The following RBM20 variants were observed in gnomAD, a reference collection of about 807,000 sequenced individuals.
RBM20 encodes RNA-binding protein 20.
A neutral mutation model predicts 110.1 loss-of-function variants in RBM20; 51 were observed. The observed-to-expected ratio is 0.46, with a 90% CI of 0.37 to 0.59. The LOEUF is 0.59. Among genes scored for constraint, RBM20 ranks in the 20% least tolerant of loss-of-function variants. RBM20 has a pLI of 0.00. For synonymous variants in RBM20, 589 were observed against 618.2 expected (o/e 0.95, Z 0.70); for missense variants, 1,512 against 1,574.9 (o/e 0.96, Z 0.68).
At chr10:110,829,198 A>C (rs1044760584) in intron 12 of RBM20, among the ~76,000 whole-genome samples, 7 of 152,218 alleles carry the variant, frequency 4.6e-5, no homozygotes, top group African/African-American at 1.4e-4. Context: ...GCAGAGCAGC[A>C]GCAGAGGGAA....
intron 1 of RBM20, among the ~76,000 whole-genome samples, chr10:110,757,294 T>C (rs897131520): frequency 2.6e-5 from 4 of 152,268 alleles, no homozygotes; most frequent in Admixed American, 1.3e-4. Context: ...CAGCTTGTTA[T>C]GAAAGATCAG....
intron 1 of RBM20, among the ~76,000 whole-genome samples, chr10:110,747,377 C>T (rs1440184731): frequency 6.6e-6 from 1 of 152,028 alleles, no homozygotes; most frequent in Non-Finnish European, 1.5e-5. Context: ...CAGATCCTGC[C>T]CAGGCTCAAA....
chr10:110,745,311 T>A (rs1843766330), intron 1 of RBM20, among the ~76,000 whole-genome samples: 1 of 152,178 alleles, frequency 6.6e-6, no homozygotes, highest in Admixed American at 6.5e-5. Context: ...CCCTGCAGGC[T>A]GCATTTCCAG....
chr10:110,771,064 T>G (rs1363207787), intron 1 of RBM20, among the ~76,000 whole-genome samples: 1 of 152,252 alleles, frequency 6.6e-6, no homozygotes, highest in Non-Finnish European at 1.5e-5. Context: ...CAGGGAACAT[T>G]AAGCCAAGAA....
At chr10:110,771,966 A>C (rs1844199748) in intron 1 of RBM20, among the ~76,000 whole-genome samples, 1 of 152,240 alleles carries the variant, frequency 6.6e-6, no homozygotes. Flanking sequence ...TTTCCATTAC[A>C]AAAGACTCAG....
At chr10:110,752,037 T>G (rs1188214678) in intron 1 of RBM20, among the ~76,000 whole-genome samples, 1 of 152,116 alleles carries the variant, frequency 6.6e-6, no homozygotes, top group Non-Finnish European at 1.5e-5. Flanking sequence ...GACCCTACAT[T>G]GACTCATCAT....
chr10:110,753,008 G>C (rs572101253), intron 1 of RBM20, among the ~76,000 whole-genome samples: 1 of 139,260 alleles, frequency 7.2e-6, no homozygotes. Context: ...GTGAGATCTC[G>C]GCTCACTGCA....
chr10:110,748,286 T>C lies in RBM20; in HGVS notation c.192-32515T>C, dbSNP rs553265091. On this transcript the variant is annotated intron_variant, in intron 1 of 13. Transcript: ENST00000369519. ...ATGCAAGTTAAAACTGTGAAACATA[T>C]AAATAAGCATTTGGTATGCTTTTCA... Among the ~76,000 whole-genome samples, 6 of 152,320 alleles carry C rather than the reference T, an allele frequency of 3.9e-5. No homozygotes were observed. The South Asian group carries it at 1.2e-3, about 32-fold the overall frequency.
At chr10:110,820,237 T>A in intron 10 of RBM20, 61 bp downstream of exon 10, 1 of 1,142,058 alleles carries the variant, frequency 8.8e-7, no homozygotes, top group Non-Finnish European at 1.3e-6. Flanking sequence ...GGAGTCCCCC[T>A]TTTGCCTGGT....
At chr10:110,789,886 C>A (rs556886733) in intron 5 of RBM20, among the ~76,000 whole-genome samples, 3 of 152,220 alleles carry the variant, frequency 2.0e-5, no homozygotes, top group African/African-American at 4.8e-5. Context: ...CTGGAAGGGG[C>A]CTTGGGGCTT....
intron 1 of RBM20, among the ~76,000 whole-genome samples, chr10:110,713,886 T>C (rs1175399534): frequency 6.6e-6 from 1 of 152,212 alleles, no homozygotes; most frequent in Non-Finnish European, 1.5e-5. Context: ...TACTAAGGAC[T>C]ACGTTTTTGG....
At chr10:110,678,565 A>C (rs1469236090) in intron 1 of RBM20, among the ~76,000 whole-genome samples, 1 of 152,164 alleles carries the variant, frequency 6.6e-6, no homozygotes, top group African/African-American at 2.4e-5. Context: ...AGCACTCTTG[A>C]GTGTGCAAGG....
chr10:110,825,186 C>T (rs1050325892), intron 12 of RBM20, among the ~76,000 whole-genome samples: 1 of 152,140 alleles, frequency 6.6e-6, no homozygotes, highest in African/African-American at 2.4e-5. Flanking sequence ...GCAAAGGCCA[C>T]CCTGCAGGAG....
intron 1 of RBM20, among the ~76,000 whole-genome samples, chr10:110,697,997 T>G (rs1358297445): frequency 6.7e-6 from 1 of 150,188 alleles, no homozygotes; most frequent in Non-Finnish European, 1.5e-5. Flanking sequence ...AAGCTCCACC[T>G]CCCGGCTTCA....
At chr10:110,803,671 A>G (rs575024821) in intron 7 of RBM20, among the ~76,000 whole-genome samples, 1 of 152,240 alleles carries the variant, frequency 6.6e-6, no homozygotes, top group African/African-American at 2.4e-5. Flanking sequence ...GGTCGCATGG[A>G]ATAACAGATG....
intron 1 of RBM20, among the ~76,000 whole-genome samples, chr10:110,746,899 T>C (rs1843787383): frequency 6.6e-6 from 1 of 152,376 alleles, no homozygotes; most frequent in Admixed American, 6.5e-5. Context: ...TTACATTGTA[T>C]TGATTTCATC....
chr10:110,804,925 A>G (rs1215861652), intron 7 of RBM20, among the ~76,000 whole-genome samples: 1 of 152,172 alleles, frequency 6.6e-6, no homozygotes, highest in Non-Finnish European at 1.5e-5. Flanking sequence ...TGAGACTCCC[A>G]GGTGCTTTTG....
At position 110,712,628 on chromosome 10, in the gene RBM20, G is replaced by A. The variant is rs188676347; in HGVS notation, c.191+67983G>A. Among the ~76,000 whole-genome samples the A allele has an allele frequency of 5.2e-3, 790 of 152,276 alleles. 6 individuals are homozygous for A. Among genetic ancestry groups the A allele is most frequent in the African/African-American group, 0.018 (748 of 41,544 alleles). ...CCAAAAATACAAAAATTAGCAGGGC[G>A]TGGCAGTGCCTGCCTTTAATCCCAG... On this transcript the variant is annotated intron_variant, in intron 1 of 13. Transcript: ENST00000369519.
chr10:110,719,504 A>T (rs1406190823), intron 1 of RBM20, among the ~76,000 whole-genome samples: 1 of 152,220 alleles, frequency 6.6e-6, no homozygotes, highest in Admixed American at 6.5e-5. Flanking sequence ...GGTTTTGTTT[A>T]TAAATGGGTT....
Sources: gnomAD v4.1 joint callset for allele counts (sites outside exome capture counted in the v4.1 genomes callset) on GRCh38, gnomAD v4.1.1 for gene constraint, MANE v1.5 for transcripts, NCBI Gene and HGNC (gene_info 2026-07-23, HGNC 2026-07-21) for gene names.